Variants in ZNF708 observed in about 807,000 individuals in gnomAD.
ZNF708 encodes the protein ZNF15, ZNF15L1.
In ZNF708, 44 loss-of-function variants were observed where a neutral mutation model predicts 47.0. That is an observed-to-expected ratio of 0.94 (90% CI 0.74 to 1.20). ZNF708 has a LOEUF of 1.20. Ranked by LOEUF, ZNF708 falls within the 50% of genes most tolerant of loss-of-function variation. The probability of loss-of-function intolerance (pLI) is 0.00; values close to 1 mark genes in which losing one functional copy is unlikely to be tolerated. For missense variants in ZNF708, 557 were observed against 656.0 expected, an observed-to-expected ratio of 0.85 and a Z score of 1.65; for synonymous variants, 184 against 218.5, an observed-to-expected ratio of 0.84 and a Z score of 1.39.
rs200860726 is a variant in ZNF708, at chr19:21,306,654, AC to A, written c.226+2591del. The stretch of plus-strand genomic sequence containing the variant: ...AGAGCAGCTATTGTTTTAAAATGTT[AC>A]AAATATTGGCCGGGCATGGAGGCTC... On this transcript the variant is annotated intron_variant, in intron 3 of 3. Transcript: ENST00000356929. Among the ~76,000 whole-genome samples the A allele has an allele frequency of 6.9e-3, 1,043 of 152,256 alleles. 5 individuals carry two copies. The highest frequency in any genetic ancestry group is 0.048 in the Middle Eastern group (14 of 294).
intron 3 of ZNF708, among the ~76,000 whole-genome samples, chr19:21,295,555 G>C (rs1158535016): frequency 2.6e-5 from 4 of 152,106 alleles, no homozygotes; most frequent in Admixed American, 2.0e-4. Context: ...AGACCAGCCT[G>C]ACCAACATGG....
intron 2 of ZNF708, among the ~76,000 whole-genome samples, chr19:21,309,780 T>A (rs1972858881): frequency 6.6e-6 from 1 of 152,174 alleles, no homozygotes; most frequent in African/African-American, 2.4e-5. Flanking sequence ...TTCTAGTAAA[T>A]TAATCACAAA....
chr19:21,293,921 A>C lies in ZNF708; in HGVS notation c.1045T>G (p.Ser349Ala). 1.9e-6 allele frequency: 3 copies of C among 1,613,174 alleles called. No individual in the cohort carries two copies. The highest frequency in any genetic ancestry group is 2.5e-6 in the Non-Finnish European group (3 of 1,179,758). The change falls in exon 4 of 4, where the codon TCA (serine) becomes GCA (alanine). Residue 349 changes from serine to alanine, a missense_variant. Physicochemically the swap from Ser to Ala is moderately conservative, Grantham distance 99. Coordinates refer to ENST00000356929, the MANE Select transcript of ZNF708 (RefSeq NM_021269.3). The part of the protein sequence containing the change: ...EECGKAFSVF[S>A]TLTKHKIIHT... Reference sequence around the variant, plus strand: ...ATTATCTTATGTTTAGTAAGGGTTGAAAATACACTAAAAGCTTTGCCACAT... The same window carrying C: ...ATTATCTTATGTTTAGTAAGGGTTGCAAATACACTAAAAGCTTTGCCACAT...
rs1489952448 is a variant in ZNF708 at position 21,323,636 on chromosome 19, A to G, written c.3+5574T>C. Reference sequence around the variant, plus strand: ...GTAAATTCAACCTTGTTTTATTTTCAAAGTCTATAAACTGCCTCAAAACAA... The same window carrying G: ...GTAAATTCAACCTTGTTTTATTTTCGAAGTCTATAAACTGCCTCAAAACAA... On this transcript the variant is annotated intron_variant, in intron 1 of 3. Coordinates refer to ENST00000356929, the MANE Select transcript of ZNF708 (RefSeq NM_021269.3). Among the ~76,000 whole-genome samples the G allele has an allele frequency of 1.3e-5, 2 of 152,216 alleles. 1 individual carries two copies. Among genetic ancestry groups the G allele is most frequent in the South Asian group, 4.1e-4 (2 of 4,836 alleles).
In ZNF708 at chr19:21,310,528, C is replaced by T. The variant is rs892566542; in HGVS notation, c.103G>A (p.Glu35Lys). The T allele has an allele frequency of 6.9e-7, 1 of 1,454,748 alleles. No individual in the cohort carries two copies. Among genetic ancestry groups the T allele is most frequent in the Non-Finnish European group, 9.1e-7 (1 of 1,098,474 alleles). The allele number at this position is 1,454,748 out of a possible 1,614,324, so 90.1% of individuals were successfully genotyped here. ...AGGAATACCAGGTTTCTATAATTCTCTAACATGACATTCCTATATAAATTC... is the reference window on the plus strand; with the variant it reads ...AGGAATACCAGGTTTCTATAATTCTTTAACATGACATTCCTATATAAATTC... ...QQNLYRNVML[E>K]NYRNLVFLGI... is the part of the protein sequence containing the mutation. The change falls in exon 2 of 4, where the codon GAG (glutamate) becomes AAG (lysine). Residue 35 changes from glutamate (E) to lysine (K), a missense_variant. By Grantham distance (56) the Glu-to-Lys change is moderately conservative. Transcript: ENST00000356929.
chr19:21,328,798 G>C (rs1973312569), intron 1 of ZNF708, among the ~76,000 whole-genome samples: 1 of 152,012 alleles, frequency 6.6e-6, no homozygotes, highest in Admixed American at 6.5e-5. Context: ...AATATTTTTT[G>C]CGATGACTGC....
intron 2 of ZNF708, among the ~76,000 whole-genome samples, chr19:21,309,738 A>G (rs1972858193): frequency 6.6e-6 from 1 of 152,218 alleles, no homozygotes; most frequent in Non-Finnish European, 1.5e-5. Context: ...AGAATGTAAT[A>G]GAATATTCTA....
intron 1 of ZNF708, among the ~76,000 whole-genome samples, chr19:21,316,852 T>A (rs1973025217): frequency 1.3e-5 from 2 of 151,288 alleles, no homozygotes; most frequent in East Asian, 4.0e-4. Context: ...AATAGCACAA[T>A]CTTGGCTCAC....
chr19:21,313,220 A>C (rs926150955), intron 1 of ZNF708, among the ~76,000 whole-genome samples: 1 of 151,400 alleles, frequency 6.6e-6, no homozygotes, highest in Non-Finnish European at 1.5e-5. Context: ...CCCAGGAAGA[A>C]GAAGTTGTAG....
At chr19:21,318,355 G>T (rs1973058039) in intron 1 of ZNF708, 1 of 152,166 alleles carries the variant, frequency 6.6e-6, no homozygotes, top group African/African-American at 2.4e-5. Context: ...AACACCAAGG[G>T]ATAGCATTAG....
In ZNF708 at chr19:21,292,621, T is replaced by C. The variant is rs1162986701; in HGVS notation, c.*653A>G. ...GATACAAATAAAGGTATTACAATCC[T>C]CTTTTATTTGTAATGTTTGTCTTCA... On this transcript the variant is annotated 3_prime_UTR_variant, in exon 4 of 4. Transcript: ENST00000356929. 6.6e-6 allele frequency: 1 copy of C among 152,568 alleles called. No individual in the cohort carries two copies. Among genetic ancestry groups the C allele is most frequent in the East Asian group, 1.9e-4 (1 of 5,196 alleles). 9.5% of individuals were successfully genotyped at this position (152,568 alleles called of 1,614,324 possible).
rs755247229 is a variant in ZNF708 at position 21,293,322 on chromosome 19, A to C, written c.1644T>G (p.Thr548=). ...CTTTGGTATGAATTCTCTTATGTTT[A>C]GTAAGGTTTGGGGACTGGTTAAAGG... ...GKAFNQSPNL[T]KHKRIHTKEK... Residue 548 remains threonine (T), a synonymous_variant, in exon 4 of 4, where the codon ACT becomes ACG. Coordinates refer to ENST00000356929, the MANE Select transcript of ZNF708 (RefSeq NM_021269.3). 1 of 1,612,614 alleles carries C rather than the reference A, an allele frequency of 6.2e-7. No homozygotes were observed. Among genetic ancestry groups the C allele is most frequent in the Non-Finnish European group, 8.5e-7 (1 of 1,179,166 alleles).
At chr19:21,312,166 G>A (rs1407058469) in intron 1 of ZNF708, among the ~76,000 whole-genome samples, 2 of 152,002 alleles carry the variant, frequency 1.3e-5, no homozygotes, top group African/African-American at 2.4e-5. Context: ...GTGGTGGAAC[G>A]CGCCTGTAGT....
At chr19:21,297,993 A>G (rs972817955) in intron 3 of ZNF708, among the ~76,000 whole-genome samples, 4 of 140,348 alleles carry the variant, frequency 2.9e-5, no homozygotes, top group Non-Finnish European at 4.8e-5. Context: ...GTGTGTGTGT[A>G]TGTGTACAGA....
chr19:21,324,598 C>T (rs1973220492), intron 1 of ZNF708, among the ~76,000 whole-genome samples: 1 of 152,158 alleles, frequency 6.6e-6, no homozygotes, highest in East Asian at 1.9e-4. Context: ...AGCAGTTTCT[C>T]AAACACAGTG....
chr19:21,304,582 A>G (rs890238104), intron 3 of ZNF708, among the ~76,000 whole-genome samples: 1 of 152,196 alleles, frequency 6.6e-6, no homozygotes, highest in Non-Finnish European at 1.5e-5. Flanking sequence ...ACACATACCA[A>G]GTCTTATTAA....
chr19:21,298,287 C>G (rs544135472), intron 3 of ZNF708, among the ~76,000 whole-genome samples: 1 of 152,138 alleles, frequency 6.6e-6, no homozygotes, highest in East Asian at 1.9e-4. Flanking sequence ...AAAAAAAATT[C>G]TTAACAAATT....
intron 1 of ZNF708, among the ~76,000 whole-genome samples, chr19:21,321,335 G>A (rs961556124): frequency 6.6e-6 from 1 of 152,048 alleles, no homozygotes; most frequent in Non-Finnish European, 1.5e-5. Context: ...ACGCCTGTAT[G>A]CCACCACATT....
intron 3 of ZNF708, among the ~76,000 whole-genome samples, chr19:21,302,333 C>T (rs929898869): frequency 2.6e-5 from 4 of 151,692 alleles, no homozygotes; most frequent in Non-Finnish European, 5.9e-5. Context: ...TCTTCAATAT[C>T]AATAACTACT....
Sources: allele counts gnomAD v4.1 joint callset (sites outside exome capture counted in the v4.1 genomes callset), GRCh38; gene constraint gnomAD v4.1.1; transcripts MANE v1.5; gene names NCBI Gene and HGNC (gene_info 2026-07-23, HGNC 2026-07-21).